EPM2A: variants seen among roughly 807,000 people sequenced by gnomAD.
EPM2A encodes the protein laforin.
EPM2A carries 21 observed loss-of-function variants against 26.5 expected under a neutral mutation model. The observed-to-expected ratio is 0.79, with a 90% confidence interval of 0.56 to 1.14. EPM2A has a LOEUF of 1.14. Among genes scored for constraint, EPM2A ranks in the 50% most tolerant of loss-of-function variants. The pLI is 0.00. For missense variants in EPM2A, 458 were observed against 440.8 expected (o/e 1.04, Z -0.35); for synonymous variants, 217 against 177.6 (o/e 1.22, Z -1.76).
chr6:145,430,281 T>C (rs1343209871), intron 4 of EPM2A, among the ~76,000 whole-genome samples: 3 of 152,082 alleles, frequency 2.0e-5, no homozygotes, highest in Non-Finnish European at 4.4e-5. Context: ...GTTATCAACA[T>C]ATTTCATGTG....
At chr6:145,635,820 T>A (rs1582936393) in intron 2 of EPM2A, 2 of 224,370 alleles carry the variant, frequency 8.9e-6, no homozygotes, top group East Asian at 2.1e-4. Context: ...TCAATAGACT[T>A]CAAATGCTAA....
chr6:145,607,481 A>G (rs1403166420), intron 2 of EPM2A, among the ~76,000 whole-genome samples: 1 of 152,120 alleles, frequency 6.6e-6, no homozygotes, highest in Non-Finnish European at 1.5e-5. Context: ...GGGAAAAAGC[A>G]TTTTAGGAAG....
chr6:145,572,358 C>T (rs1780969976), intron 2 of EPM2A, among the ~76,000 whole-genome samples: 1 of 152,144 alleles, frequency 6.6e-6, no homozygotes, highest in Non-Finnish European at 1.5e-5. Context: ...GGAGTGGAGA[C>T]CATGGGCATT....
chr6:145,528,554 G>C (rs1440584010), intron 2 of EPM2A, among the ~76,000 whole-genome samples: 1 of 152,118 alleles, frequency 6.6e-6, no homozygotes, highest in Non-Finnish European at 1.5e-5. Flanking sequence ...TTTACAGCAT[G>C]ATTTACTGAA....
At chr6:145,489,806 G>C in intron 4 of EPM2A, 1 of 1,431,918 alleles carries the variant, frequency 7.0e-7, no homozygotes, top group Non-Finnish European at 9.8e-7. Flanking sequence ...GGGGTCACGT[G>C]GTCCAAGTCT....
chr6:145,653,347 T>C (rs1229466662), intron 2 of EPM2A, among the ~76,000 whole-genome samples: 2 of 152,238 alleles, frequency 1.3e-5, no homozygotes, highest in Admixed American at 6.5e-5. Context: ...CCTGCTGCCA[T>C]GTAAGACATG....
chr6:145,426,027 T>G (rs532667672), intron 4 of EPM2A, among the ~76,000 whole-genome samples: 2 of 152,364 alleles, frequency 1.3e-5, no homozygotes, highest in African/African-American at 4.8e-5. Flanking sequence ...TTATACAATT[T>G]TTAAAATTAT....
In EPM2A at chr6:145,735,225, C is replaced by T. The variant is rs759251383; in HGVS notation, c.274G>A (p.Glu92Lys). ...TCCCAGGAGAGCTCTCCTCCCGGCT[C>T]CCGCTTCAGGAACTTGTACCAGAAC... ...DTFWYKFLKR[E>K]PGGELSWEGN... Residue 92 changes from glutamate (E) to lysine (K), a missense_variant, in exon 1 of 4, where the codon GAG (glutamate) becomes AAG (lysine). Coordinates refer to ENST00000367519, the MANE Select transcript of EPM2A (RefSeq NM_005670.4). The T allele has an allele frequency of 1.3e-6, 2 of 1,536,666 alleles. No homozygotes were observed. The highest frequency in any genetic ancestry group is 1.8e-6 in the Non-Finnish European group (2 of 1,140,548).
rs1342652912 is a variant in EPM2A at position 145,669,747 on chromosome 6, GTTATAAGAAAGAATAACTCTTCTTTGGT to G, written c.476+16347_476+16374del. ...CAAAAATATTCTGTCTTCTGTATTT[GTTATAAGAAAGAATAACTCTTCTTTGGT>G]TGTCATGGCCACTGTCATATTGGAA... On this transcript the variant is annotated intron_variant, in intron 2 of 3. Transcript: ENST00000367519. Among the ~76,000 whole-genome samples the G allele has an allele frequency of 2.6e-5, 4 of 152,120 alleles. No homozygotes were observed. In the East Asian group the frequency reaches 7.7e-4, roughly 29 times the overall value.
At chr6:145,493,570 T>G (rs905999074) in intron 4 of EPM2A, among the ~76,000 whole-genome samples, 2 of 152,174 alleles carry the variant, frequency 1.3e-5, no homozygotes, top group African/African-American at 4.8e-5. Context: ...TGTGCCTGTT[T>G]TCCAGGTGAG....
Position 145,493,071 on chromosome 6 carries a change from A to T in EPM2A, c.555+9451T>A, listed in dbSNP as rs548079028. The stretch of plus-strand genomic sequence containing the variant: ...GCTTTCCCTTCTCATGGCATAATGT[A>T]CCCCATACCCTTCCCTACCCCTCCA... On this transcript the variant is annotated intron_variant, in intron 4 of 4. Coordinates refer to the EPM2A transcript ENST00000638717. 5.9e-5 allele frequency among the ~76,000 whole-genome samples: 9 copies of T among 151,970 alleles called. No homozygotes were observed. In the East Asian group the frequency reaches 1.8e-3, roughly 30 times the overall value.
At chr6:145,629,958 G>T (rs938774476) in intron 3 of EPM2A, 1 of 152,274 alleles carries the variant, frequency 6.6e-6, no homozygotes, top group South Asian at 2.1e-4. Flanking sequence ...CCTGGTCCCA[G>T]TCAAGATCCC....
intron 4 of EPM2A, among the ~76,000 whole-genome samples, chr6:145,438,460 A>G (rs1333790827): frequency 7.3e-6 from 1 of 136,620 alleles, no homozygotes; most frequent in Non-Finnish European, 1.5e-5. Context: ...TTCTCCTGAG[A>G]AGGGAATAAT....
intron 4 of EPM2A, among the ~76,000 whole-genome samples, chr6:145,482,726 C>T (rs773231420): frequency 3.3e-4 from 50 of 152,018 alleles, no homozygotes; most frequent in Non-Finnish European, 6.5e-4. Flanking sequence ...GAAAATACAA[C>T]GAGAACCCAT....
intron 2 of EPM2A, among the ~76,000 whole-genome samples, chr6:145,683,566 G>T (rs1275534790): frequency 1.3e-5 from 2 of 152,016 alleles, no homozygotes; most frequent in African/African-American, 4.8e-5. Context: ...TTGAGTATAT[G>T]AACTAAGGTT....
In EPM2A at chr6:145,627,404, C is replaced by T. The variant is rs1185810353; in HGVS notation, c.*12G>A. 4 of 1,613,878 alleles carry T rather than the reference C, an allele frequency of 2.5e-6. No homozygotes were observed. Among genetic ancestry groups the T allele is most frequent in the Admixed American group, 3.3e-5 (2 of 60,014 alleles). On this transcript the variant is annotated 3_prime_UTR_variant, in exon 4 of 4. Transcript: ENST00000367519. ...TAGGGAAATCAGGAGGGGGCAGAAG[C>T]AGGCTGACCAGCTACAGGCTACACA...
intron 2 of EPM2A, among the ~76,000 whole-genome samples, chr6:145,666,221 T>G (rs1036909403): frequency 1.8e-5 from 2 of 108,594 alleles, no homozygotes; most frequent in African/African-American, 4.3e-5. Context: ...GGAAGTCAAA[T>G]TGTCCCTGTT....
At chr6:145,612,722 TTATA>T (rs899998029) in intron 2 of EPM2A, among the ~76,000 whole-genome samples, 1 of 146,890 alleles carries the variant, frequency 6.8e-6, no homozygotes, top group Non-Finnish European at 1.5e-5. Flanking sequence ...TTTATATATA[TTATA>T]TATATTATAT....
intron 4 of EPM2A, among the ~76,000 whole-genome samples, chr6:145,437,639 TAAAC>T (rs780074760): frequency 1.3e-5 from 2 of 152,040 alleles, no homozygotes; most frequent in Admixed American, 6.5e-5. Context: ...TAAAAACAAA[TAAAC>T]AAACAGTCTC....
Sources: gnomAD v4.1 joint callset for allele counts (sites outside exome capture counted in the v4.1 genomes callset) on GRCh38, gnomAD v4.1.1 for gene constraint, MANE v1.5 for transcripts, NCBI Gene and HGNC (gene_info 2026-07-23, HGNC 2026-07-21) for gene names.